The following CNBD1 variants were observed in gnomAD, a reference collection of about 807,000 sequenced individuals.
The protein encoded by CNBD1 is cyclic nucleotide-binding domain-containing protein 1.
In CNBD1, 71 loss-of-function variants were observed where a neutral mutation model predicts 54.4. That is an observed-to-expected ratio of 1.30 (90% CI 1.08 to 1.59). The LOEUF (loss-of-function observed/expected upper bound fraction) is 1.59, where lower values mean the gene tolerates loss of function less well. CNBD1 is among the 40% of genes most tolerant of loss of function. The probability of loss-of-function intolerance (pLI) is 0.00; values close to 1 mark genes in which losing one functional copy is unlikely to be tolerated. For missense variants in CNBD1, 659 were observed against 518.0 expected (o/e 1.27, Z -2.64); for synonymous variants, 182 against 170.7 (o/e 1.07, Z -0.51).
chr8:87,388,167 G>C (rs1251068144), intron 2 of CNBD1, among the ~76,000 whole-genome samples: 1 of 152,060 alleles, frequency 6.6e-6, no homozygotes, highest in Non-Finnish European at 1.5e-5. Flanking sequence ...ATCTAAAATT[G>C]ACACCCTAAC....
intron 1 of CNBD1, among the ~76,000 whole-genome samples, chr8:86,885,577 T>G (rs954718270): frequency 6.6e-6 from 1 of 152,166 alleles, no homozygotes; most frequent in Non-Finnish European, 1.5e-5. Context: ...TGTATTAAAT[T>G]TGATCACAAG....
intron 4 of CNBD1, among the ~76,000 whole-genome samples, chr8:87,044,228 T>C (rs1186695810): frequency 6.6e-6 from 1 of 152,158 alleles, no homozygotes; most frequent in African/African-American, 2.4e-5. Context: ...TTTTTGTTTT[T>C]TTGCAAAAGT....
intron 2 of CNBD1, chr8:87,428,511 T>C (rs1345819912): frequency 1.5e-5 from 6 of 412,262 alleles, no homozygotes; most frequent in South Asian, 1.1e-4. Flanking sequence ...TATTTTTTTA[T>C]GATATTCTAA....
At chr8:87,344,069 G>A (rs1217730833) in intron 8 of CNBD1, among the ~76,000 whole-genome samples, 1 of 152,044 alleles carries the variant, frequency 6.6e-6, no homozygotes, top group African/African-American at 2.4e-5. Flanking sequence ...AACAGAGGAA[G>A]TGTCATAAAT....
chr8:87,205,896 A>G, intron 4 of CNBD1, 97 bp from the exon 5 acceptor site: 1 of 1,037,724 alleles, frequency 9.6e-7, no homozygotes, highest in African/African-American at 1.7e-5. Context: ...TTAACTAAAC[A>G]GAAAATACAA....
chr8:87,032,894 T>C (rs563852470), intron 4 of CNBD1, among the ~76,000 whole-genome samples: 1 of 152,342 alleles, frequency 6.6e-6, no homozygotes, highest in Non-Finnish European at 1.5e-5. Context: ...TCCTCCCATC[T>C]TCTGTTAATT....
Position 87,166,307 on chromosome 8 carries a change from T to G in CNBD1, c.432-39686T>G, listed in dbSNP as rs183131580. Among the ~76,000 whole-genome samples the G allele has an allele frequency of 9.7e-4, 148 of 152,056 alleles. 1 individual carries two copies. Among genetic ancestry groups the G allele is most frequent in the Non-Finnish European group, 1.8e-3 (120 of 67,904 alleles). Reference sequence around the variant, plus strand: ...CTCCAATATATATCTTGGATCTGTCTGCTTGGTTCCATTTTTACTGATGTC... The same window carrying G: ...CTCCAATATATATCTTGGATCTGTCGGCTTGGTTCCATTTTTACTGATGTC... On this transcript the variant is annotated intron_variant, in intron 4 of 10. Transcript: ENST00000518476. This position sits in a 1 kb window ranked among gnomAD's most constrained non-coding sequence, Gnocchi z 4.3.
At chr8:86,937,127 G>T (rs1809563450) in intron 3 of CNBD1, among the ~76,000 whole-genome samples, 1 of 152,158 alleles carries the variant, frequency 6.6e-6, no homozygotes, top group African/African-American at 2.4e-5. Context: ...TCACAATCAT[G>T]GTAGAAGGTG....
At chr8:87,361,556 AG>A in intron 10 of CNBD1, among the ~76,000 whole-genome samples, 1 of 151,898 alleles carries the variant, frequency 6.6e-6, no homozygotes. Flanking sequence ...ATATAGTTTT[AG>A]GAAGGGAAAA....
intron 5 of CNBD1, among the ~76,000 whole-genome samples, chr8:87,219,642 G>C (rs947523120): frequency 6.6e-6 from 1 of 151,944 alleles, no homozygotes; most frequent in African/African-American, 2.4e-5. Context: ...TTGGAGCTTA[G>C]CTGAACAGTT....
At chr8:87,153,380 A>G (rs1355468286) in intron 4 of CNBD1, among the ~76,000 whole-genome samples, 1 of 152,146 alleles carries the variant, frequency 6.6e-6, no homozygotes, top group Non-Finnish European at 1.5e-5. Context: ...TGCCTTTTCT[A>G]TGCTCCAGTT....
chr8:87,421,523 G>A (rs925781543), intron 2 of CNBD1, among the ~76,000 whole-genome samples: 10 of 148,724 alleles, frequency 6.7e-5, no homozygotes, highest in Non-Finnish European at 1.5e-5. Context: ...AGAATATGCA[G>A]TGTTTGGTTT....
intron 6 of CNBD1, among the ~76,000 whole-genome samples, chr8:87,250,526 T>C (rs1807894252): frequency 1.3e-5 from 2 of 152,192 alleles, no homozygotes; most frequent in Admixed American, 1.3e-4. Flanking sequence ...CGCACTCCCA[T>C]GTTTATTGCA....
At chr8:87,117,506 C>A (rs1195327392) in intron 4 of CNBD1, among the ~76,000 whole-genome samples, 1 of 151,902 alleles carries the variant, frequency 6.6e-6, no homozygotes. Flanking sequence ...AAAAGAGTAG[C>A]CAAGAGAAAC....
chr8:87,349,207 T>C lies in CNBD1; in HGVS notation c.1043-2478T>C, dbSNP rs117700404. On this transcript the variant is annotated intron_variant, in intron 8 of 10. Transcript: ENST00000518476. Reference sequence around the variant, plus strand: ...TTCTATATAAGGGAGGAGGAAAGGGTATCCAAACAACATTTATCTTGACAG... The same window carrying C: ...TTCTATATAAGGGAGGAGGAAAGGGCATCCAAACAACATTTATCTTGACAG... Among the ~76,000 whole-genome samples the C allele has an allele frequency of 2.7e-3, 410 of 152,248 alleles. 9 individuals carry two copies. Among genetic ancestry groups the C allele is most frequent in the East Asian group, 0.018 (93 of 5,174 alleles).
chr8:87,155,313 A>G (rs921892482), intron 4 of CNBD1, among the ~76,000 whole-genome samples: 1 of 152,170 alleles, frequency 6.6e-6, no homozygotes, highest in African/African-American at 2.4e-5. Flanking sequence ...GGGAACCACT[A>G]AAGTATTTTA....
At position 87,363,419 on chromosome 8, in the gene CNBD1, T is replaced by C. The variant is rs554278593; in HGVS notation, c.1303+9633T>C. Among the ~76,000 whole-genome samples, 17 of 152,198 alleles carry C rather than the reference T, an allele frequency of 1.1e-4. No homozygotes were observed. The East Asian group carries it at 3.3e-3, about 29-fold the overall frequency. On this transcript the variant is annotated intron_variant, in intron 10 of 10. Transcript: ENST00000518476. ...CTGGTTATAGATCCTTGAGGAATTG[T>C]CACACTGTCTTCCACAATGGTTGAA... is the stretch of plus-strand genomic sequence containing the variant.
chr8:87,327,669 G>A (rs1051843403), intron 8 of CNBD1, among the ~76,000 whole-genome samples: 10 of 152,206 alleles, frequency 6.6e-5, no homozygotes, highest in Admixed American at 2.6e-4. Flanking sequence ...GCTCGTGCCC[G>A]GTGCGCACAC....
chr8:87,310,597 A>C (rs995141498), intron 8 of CNBD1, among the ~76,000 whole-genome samples: 1 of 152,138 alleles, frequency 6.6e-6, no homozygotes, highest in Non-Finnish European at 1.5e-5. Context: ...CTATCAAATG[A>C]CCAATGTCAT....
Sources: allele counts gnomAD v4.1 joint callset (sites outside exome capture counted in the v4.1 genomes callset), GRCh38; gene constraint gnomAD v4.1.1; non-coding constraint Gnocchi (gnomAD v3.1); transcripts MANE v1.5; gene names NCBI Gene and HGNC (gene_info 2026-07-23, HGNC 2026-07-21).